Variants in SLC25A36 observed in about 807,000 individuals in gnomAD.
SLC25A36 encodes the protein solute carrier family 25 member 36, also known as epididymis secretory sperm binding protein.
Under a neutral mutation model 35.3 loss-of-function variants are expected in SLC25A36, and 24 were observed. That is an observed-to-expected ratio of 0.68 (90% CI 0.49 to 0.96). The LOEUF is 0.96. Ranked by LOEUF, SLC25A36 falls within the 40% of genes least tolerant of loss-of-function variation. The pLI, the probability that SLC25A36 is intolerant of heterozygous loss-of-function variation, is 0.00. For missense variants in SLC25A36, 294 were observed against 381.1 expected, an observed-to-expected ratio of 0.77 and a Z score of 1.90; for synonymous variants, 141 against 132.2, an observed-to-expected ratio of 1.07 and a Z score of -0.46.
At chr3:140,946,833 T>C (rs1247240253) in intron 1 of SLC25A36, among the ~76,000 whole-genome samples, 1 of 152,086 alleles carries the variant, frequency 6.6e-6, no homozygotes, top group Non-Finnish European at 1.5e-5. Flanking sequence ...GTTTAAGTGA[T>C]TGGATTACTA....
At chr3:140,961,806 A>G (rs1301525080) in intron 3 of SLC25A36, among the ~76,000 whole-genome samples, 3 of 144,184 alleles carry the variant, frequency 2.1e-5, no homozygotes, top group Admixed American at 1.4e-4. Context: ...CAGTGAGCCA[A>G]TATAGGGCCA....
rs1185209390 is a variant in SLC25A36 at position 140,942,110 on chromosome 3, G to A, written c.41+15G>A. 2 of 1,393,614 alleles carry A rather than the reference G, an allele frequency of 1.4e-6. No individual in the cohort carries two copies. Among genetic ancestry groups the A allele is most frequent in the Non-Finnish European group, 1.9e-6 (2 of 1,034,704 alleles). The allele number at this position is 1,393,614 out of a possible 1,614,324, so 86.3% of individuals were successfully genotyped here. The stretch of plus-strand genomic sequence containing the variant: ...TTTGCCGGAGGGTAAGGTCCTGGCG[G>A]GGCGTGCGCACTGGGGCTGAGGGTG... On this transcript the variant is annotated intron_variant, in intron 1 of 6. Coordinates refer to ENST00000324194, the MANE Select transcript of SLC25A36 (RefSeq NM_001104647.3).
intron 1 of SLC25A36, among the ~76,000 whole-genome samples, chr3:140,948,954 C>T (rs77376759): frequency 0.075 from 11,377 of 152,206 alleles, 537 homozygotes; most frequent in East Asian, 0.17. Flanking sequence ...TCTCCTTTCT[C>T]TCCCATCTCC....
chr3:140,966,689 CT>C, intron 4 of SLC25A36: 1 of 338,872 alleles, frequency 3.0e-6, no homozygotes, highest in Non-Finnish European at 5.8e-6. Context: ...CAGAATTGAT[CT>C]TCTTTTAGGT....
chr3:140,971,158 A>G (rs2555702), intron 5 of SLC25A36, among the ~76,000 whole-genome samples, 165 bp downstream of exon 5: 44,131 of 151,986 alleles, frequency 0.29, 11,301 homozygotes, highest in African/African-American at 0.7. Context: ...GACAATATGA[A>G]CTTTTCCAGG....
At position 140,942,039 on chromosome 3, in the gene SLC25A36, A is replaced by T. The variant is rs761289970; in HGVS notation, c.-16A>T. On this transcript the variant is annotated 5_prime_UTR_variant, in exon 1 of 7. Transcript: ENST00000324194. ...CGCGTCCCGCCTCAGCGGCCGGAGG[A>T]CATGCGGGAGAGAGAATGAGCCAGA... 2.8e-6 allele frequency: 4 copies of T among 1,432,468 alleles called. No homozygotes were observed. Among genetic ancestry groups the T allele is most frequent in the East Asian group, 2.7e-5 (1 of 36,638 alleles). 88.7% of individuals were successfully genotyped at this position (1,432,468 alleles called of 1,614,324 possible). A position where few individuals can be genotyped will look rare whatever the true frequency, so the allele number is the denominator to read the frequency against.
chr3:140,969,075 A>G (rs1418853768), intron 4 of SLC25A36, among the ~76,000 whole-genome samples: 1 of 151,856 alleles, frequency 6.6e-6, no homozygotes, highest in Non-Finnish European at 1.5e-5. Flanking sequence ...AAGTTTACAA[A>G]ACAAGAATCA....
At chr3:140,966,788 CTTTTT>C (rs999323605) in intron 4 of SLC25A36, 2 of 381,878 alleles carry the variant, frequency 5.2e-6, no homozygotes, top group Non-Finnish European at 1.0e-5. Context: ...ATATTCCTTT[CTTTTT>C]TTTAACTTAA....
chr3:140,973,569 G>C (rs1255339863), intron 5 of SLC25A36, 147 bp from the exon 6 acceptor site: 1 of 638,158 alleles, frequency 1.6e-6, no homozygotes, highest in Non-Finnish European at 2.3e-6. Context: ...CAAAAGAATA[G>C]GAAATCTAAA....
rs529972863 is a variant in SLC25A36, at chr3:140,951,603, A to G, written c.42-4924A>G. Among the ~76,000 whole-genome samples the G allele has an allele frequency of 2.5e-3, 375 of 150,942 alleles. 10 individuals carry two copies. Among genetic ancestry groups the G allele is most frequent in the Non-Finnish European group, 5.0e-4 (34 of 67,628 alleles). On this transcript the variant is annotated intron_variant, in intron 1 of 6. Coordinates refer to ENST00000324194, the MANE Select transcript of SLC25A36 (RefSeq NM_001104647.3). ...GGTTCAAACAGTCCTCCCACCTCAGACTCCCGAGTAGCTAAGATTACAGGC... is the reference window on the plus strand; with the variant it reads ...GGTTCAAACAGTCCTCCCACCTCAGGCTCCCGAGTAGCTAAGATTACAGGC...
intron 3 of SLC25A36, among the ~76,000 whole-genome samples, chr3:140,960,506 T>C (rs1181182845): frequency 6.6e-6 from 1 of 152,146 alleles, no homozygotes; most frequent in African/African-American, 2.4e-5. Flanking sequence ...ACCAAAGGAC[T>C]AGGAAGGATG....
intron 1 of SLC25A36, among the ~76,000 whole-genome samples, chr3:140,946,250 T>C (rs1000278350): frequency 1.3e-5 from 2 of 152,118 alleles, no homozygotes; most frequent in African/African-American, 2.4e-5. Flanking sequence ...TGATGATGAA[T>C]CTTACTGAGA....
chr3:140,954,162 CAAAA>C (rs1934412619), intron 1 of SLC25A36, among the ~76,000 whole-genome samples: 1 of 152,102 alleles, frequency 6.6e-6, no homozygotes. Flanking sequence ...TTTTTAACGT[CAAAA>C]ATAAAAGCCT....
In SLC25A36 at chr3:140,978,002, A is replaced by G. The variant is rs1935094346; in HGVS notation, c.*1549A>G. On this transcript the variant is annotated 3_prime_UTR_variant, in exon 7 of 7. Coordinates refer to ENST00000324194, the MANE Select transcript of SLC25A36 (RefSeq NM_001104647.3). ...TTCATAACATTTTTCTGGGTTTTAA[A>G]TATGTTGTTTCGGATATCCTTAATA... 6.6e-6 allele frequency: 1 copy of G among 152,010 alleles called. No homozygotes were observed. Among genetic ancestry groups the G allele is most frequent in the African/African-American group, 2.4e-5 (1 of 41,414 alleles). 9.4% of individuals were successfully genotyped at this position (152,010 alleles called of 1,614,324 possible).
intron 6 of SLC25A36, among the ~76,000 whole-genome samples, 159 bp downstream of exon 6, chr3:140,974,164 T>C (rs550436383): frequency 2.6e-5 from 4 of 152,312 alleles, no homozygotes; most frequent in Non-Finnish European, 5.9e-5. Context: ...TAGGCTGTAT[T>C]AATAGGTCAG....
At chr3:140,950,978 A>T (rs933361978) in intron 1 of SLC25A36, among the ~76,000 whole-genome samples, 1 of 151,812 alleles carries the variant, frequency 6.6e-6, no homozygotes, top group Non-Finnish European at 1.5e-5. Context: ...TACCTTTGTC[A>T]TACAGACTGT....
rs73233098 is a variant in SLC25A36 at position 140,948,727 on chromosome 3, C to A, written c.41+6632C>A. ...AAAAACAAGTTTCCTGATCCATACA[C>A]GCTCAAGAGGTTAATATTGAGGACA... is the stretch of plus-strand genomic sequence containing the variant. On this transcript the variant is annotated intron_variant, in intron 1 of 6. Coordinates refer to ENST00000324194, the MANE Select transcript of SLC25A36 (RefSeq NM_001104647.3). Among the ~76,000 whole-genome samples the A allele has an allele frequency of 7.8e-3, 1,194 of 152,264 alleles. 7 individuals carry two copies. Among genetic ancestry groups the A allele is most frequent in the Middle Eastern group, 0.017 (5 of 294 alleles).
At chr3:140,972,870 T>G (rs568262076) in intron 5 of SLC25A36, 11 of 152,164 alleles carry the variant, frequency 7.2e-5, no homozygotes, top group Non-Finnish European at 1.3e-4. Context: ...CAGAAACAAG[T>G]TAGGTATAAT....
intron 4 of SLC25A36, chr3:140,968,054 A>G (rs1021559017): frequency 4.1e-6 from 4 of 984,750 alleles, no homozygotes; most frequent in Non-Finnish European, 3.6e-6. Flanking sequence ...AGTAGTGGGA[A>G]GATATGTTTA....
Sources: gnomAD v4.1 joint callset for allele counts (sites outside exome capture counted in the v4.1 genomes callset) on GRCh38, gnomAD v4.1.1 for gene constraint, MANE v1.5 for transcripts, NCBI Gene and HGNC (gene_info 2026-07-23, HGNC 2026-07-21) for gene names.